The following NRXN1 variants were observed in gnomAD, a reference collection of about 807,000 sequenced individuals.
NRXN1 encodes neurexin 1.
A neutral mutation model predicts 150.9 loss-of-function variants in NRXN1; 39 were observed. The ratio of observed to expected loss-of-function variants is 0.26; its 90% confidence interval spans 0.20 to 0.34. The LOEUF (loss-of-function observed/expected upper bound fraction) is 0.34, where lower values mean the gene tolerates loss of function less well. Ranked by LOEUF, NRXN1 falls within the 10% of genes least tolerant of loss-of-function variation. The pLI is 1.00. For missense variants in NRXN1, 1,815 were observed against 1,949.9 expected (o/e 0.93, Z 1.30); for synonymous variants, 924 against 757.0 (o/e 1.22, Z -3.62).
intron 15 of NRXN1, among the ~76,000 whole-genome samples, chr2:50,475,575 A>G (rs1032276777): frequency 6.6e-5 from 10 of 152,096 alleles, no homozygotes; most frequent in African/African-American, 2.4e-4. Flanking sequence ...TTGAGTTACT[A>G]AAGAGCAGAA....
At chr2:50,827,665 C>T (rs1193001112) in intron 5 of NRXN1, among the ~76,000 whole-genome samples, 4 of 152,024 alleles carry the variant, frequency 2.6e-5, no homozygotes, top group African/African-American at 9.7e-5. Flanking sequence ...GGGGACTTGG[C>T]AGGGTCATAG....
intron 17 of NRXN1, among the ~76,000 whole-genome samples, chr2:50,386,773 G>A (rs190992774): frequency 1.3e-4 from 20 of 152,226 alleles, no homozygotes; most frequent in African/African-American, 4.6e-4. Flanking sequence ...GAGAATACTG[G>A]GCTACGCAGG....
At chr2:50,952,168 G>A (rs867100481) in intron 2 of NRXN1, among the ~76,000 whole-genome samples, 8 of 150,830 alleles carry the variant, frequency 5.3e-5, no homozygotes, top group Non-Finnish European at 8.9e-5. Context: ...GGGTTTCACC[G>A]TTTTAGCCGG....
chr2:50,601,370 A>G (rs901347043), intron 8 of NRXN1, among the ~76,000 whole-genome samples: 2 of 152,200 alleles, frequency 1.3e-5, no homozygotes, highest in African/African-American at 2.4e-5. Context: ...CTGTTCTTCA[A>G]GTAGTATAAT....
In NRXN1 at chr2:50,620,115, C is replaced by A. The variant is rs779819227; in HGVS notation, c.1227G>T (p.Gly409=). 6.2e-7 allele frequency: 1 copy of A among 1,613,390 alleles called. No homozygotes were observed. The highest frequency in any genetic ancestry group is 1.1e-5 in the South Asian group (1 of 91,040). ...CTCCAACATAGAAAAAGTCATCAGACCCCAGCATGGTATAATCTTCTTGCG... is the reference window on the plus strand; with the variant it reads ...CTCCAACATAGAAAAAGTCATCAGAACCCAGCATGGTATAATCTTCTTGCG... ...GYTQEDYTML[G]SDDFFYVGGS... The change falls in exon 8 of 23, where the codon GGG becomes GGT. Residue 409 remains glycine (G), a synonymous_variant. Coordinates refer to ENST00000401669, the MANE Select transcript of NRXN1 (RefSeq NM_001330078.2).
At chr2:50,552,261 C>G (rs1217930367) in intron 9 of NRXN1, among the ~76,000 whole-genome samples, 1 of 151,954 alleles carries the variant, frequency 6.6e-6, no homozygotes, top group African/African-American at 2.4e-5. Flanking sequence ...TAAGAGAAAA[C>G]TGGGAATAGA....
At chr2:50,083,694 T>G (rs1241668495) in intron 19 of NRXN1, among the ~76,000 whole-genome samples, 1 of 152,122 alleles carries the variant, frequency 6.6e-6, no homozygotes, top group Non-Finnish European at 1.5e-5. Flanking sequence ...AGAGAGCCGA[T>G]TGGTCTGTTT....
intron 18 of NRXN1, among the ~76,000 whole-genome samples, chr2:50,231,606 A>G (rs1483853828): frequency 6.6e-6 from 1 of 152,108 alleles, no homozygotes; most frequent in Non-Finnish European, 1.5e-5. Context: ...CAAATTTGCA[A>G]TGCTCTTTTA....
chr2:50,092,205 C>T (rs530622572), intron 18 of NRXN1, among the ~76,000 whole-genome samples: 29 of 152,246 alleles, frequency 1.9e-4, no homozygotes, highest in South Asian at 4.1e-4. Context: ...CCAAAATGAA[C>T]GCCCTCTTCA....
At chr2:50,779,655 C>T (rs1704095319) in intron 5 of NRXN1, among the ~76,000 whole-genome samples, 1 of 152,008 alleles carries the variant, frequency 6.6e-6, no homozygotes, top group Admixed American at 6.6e-5. Flanking sequence ...GTAGTCCCAG[C>T]TACTTGGGAG....
At chr2:49,932,267 A>G (rs2104211229) in intron 22 of NRXN1, among the ~76,000 whole-genome samples, 1 of 152,202 alleles carries the variant, frequency 6.6e-6, no homozygotes, top group South Asian at 2.1e-4. Flanking sequence ...GAAAATGTAA[A>G]AAAATTAGCC....
At chr2:49,946,163 G>T (rs977080088) in intron 21 of NRXN1, among the ~76,000 whole-genome samples, 3 of 152,086 alleles carry the variant, frequency 2.0e-5, no homozygotes, top group Non-Finnish European at 4.4e-5. Context: ...TCATATGTGT[G>T]TTGGCCGTAT....
At chr2:50,468,641 C>A (rs2089165213) in intron 16 of NRXN1, among the ~76,000 whole-genome samples, 1 of 151,192 alleles carries the variant, frequency 6.6e-6, no homozygotes, top group South Asian at 2.1e-4. Flanking sequence ...TTTCCAGAAA[C>A]AAAAGAAATG....
At chr2:50,994,793 C>G (rs1699025289) in intron 2 of NRXN1, among the ~76,000 whole-genome samples, 1 of 151,888 alleles carries the variant, frequency 6.6e-6, no homozygotes, top group Admixed American at 6.6e-5. Context: ...TATACAAGAA[C>G]AACAACTGCA....
At chr2:50,545,209 T>C (rs996756699) in intron 9 of NRXN1, among the ~76,000 whole-genome samples, 1 of 152,164 alleles carries the variant, frequency 6.6e-6, no homozygotes, top group African/African-American at 2.4e-5. Flanking sequence ...TGTATTTATA[T>C]ATTAAATACA....
intron 5 of NRXN1, among the ~76,000 whole-genome samples, chr2:50,747,749 T>C (rs1445680318): frequency 6.6e-6 from 1 of 152,142 alleles, no homozygotes; most frequent in Admixed American, 6.6e-5. Context: ...ATCTATGTGC[T>C]AATCTTCTAA....
intron 17 of NRXN1, among the ~76,000 whole-genome samples, chr2:50,323,816 T>C (rs752079127): frequency 6.6e-6 from 1 of 152,248 alleles, no homozygotes; most frequent in Non-Finnish European, 1.5e-5. Context: ...CTAGAAAACA[T>C]AGGAAACGAC....
intron 17 of NRXN1, among the ~76,000 whole-genome samples, chr2:50,388,964 T>C (rs1442468178): frequency 6.6e-6 from 1 of 152,084 alleles, no homozygotes; most frequent in African/African-American, 2.4e-5. Context: ...GTTAGCAGTA[T>C]GCTGACAGCC....
intron 12 of NRXN1, among the ~76,000 whole-genome samples, chr2:50,522,121 G>C (rs1191335614): frequency 6.6e-6 from 1 of 152,088 alleles, no homozygotes; most frequent in Admixed American, 6.6e-5. Flanking sequence ...AAACAATGGA[G>C]GAAGTGGGGT....
Sources: allele counts gnomAD v4.1 joint callset (sites outside exome capture counted in the v4.1 genomes callset), GRCh38; gene constraint gnomAD v4.1.1; transcripts MANE v1.5; gene names NCBI Gene and HGNC (gene_info 2026-07-23, HGNC 2026-07-21).